Variants in SNX29 observed in about 807,000 individuals in gnomAD.
SNX29 encodes the protein sorting nexin-29.
In SNX29, 78 loss-of-function variants were observed where a neutral mutation model predicts 102.1. The ratio of observed to expected loss-of-function variants is 0.76; its 90% CI spans 0.64 to 0.92. The LOEUF is 0.92. Ranked by LOEUF, SNX29 falls within the 40% of genes least tolerant of loss-of-function variation. The pLI is 0.00. For synonymous variants in SNX29, 580 were observed against 414.5 expected (o/e 1.40, Z -4.85); for missense variants, 1,280 against 1,061.7 (o/e 1.21, Z -2.86).
intron 3 of SNX29, among the ~76,000 whole-genome samples, chr16:12,011,189 GT>G (rs369528003): frequency 0.024 from 2,931 of 124,028 alleles, 35 homozygotes; most frequent in African/African-American, 0.057. Context: ...ATTGCTTGGG[GT>G]TTTTTTTTTT....
At chr16:12,260,007 GTCTTC>G (rs1282162262) in intron 14 of SNX29, among the ~76,000 whole-genome samples, 6 of 152,168 alleles carry the variant, frequency 3.9e-5, no homozygotes, top group Non-Finnish European at 8.8e-5. Context: ...CGTTCCTCCA[GTCTTC>G]TCTTCTGTTC....
At chr16:12,302,205 C>T (rs898370276) in intron 15 of SNX29, among the ~76,000 whole-genome samples, 3 of 152,144 alleles carry the variant, frequency 2.0e-5, no homozygotes, top group Admixed American at 6.5e-5. Flanking sequence ...TCCGTCAAAG[C>T]GGCATGGAAA....
intron 13 of SNX29, among the ~76,000 whole-genome samples, chr16:12,195,839 G>C (rs949629811): frequency 6.6e-6 from 1 of 152,140 alleles, no homozygotes; most frequent in African/African-American, 2.4e-5. Context: ...GTGATGTGTT[G>C]CTGGTGGTCT....
chr16:12,514,472 T>C (rs2089773264), intron 19 of SNX29, among the ~76,000 whole-genome samples: 1 of 152,178 alleles, frequency 6.6e-6, no homozygotes, highest in South Asian at 2.1e-4. Context: ...GAATCAGGCC[T>C]CTTGGGGCCA....
intron 15 of SNX29, among the ~76,000 whole-genome samples, chr16:12,293,077 T>C (rs538399279): frequency 6.6e-5 from 10 of 152,342 alleles, no homozygotes; most frequent in African/African-American, 2.4e-4. Flanking sequence ...TGTCAAACAT[T>C]GCAGGGGCAT....
intron 15 of SNX29, among the ~76,000 whole-genome samples, chr16:12,310,197 CAG>C (rs1465644875): frequency 6.6e-6 from 1 of 152,186 alleles, no homozygotes; most frequent in Non-Finnish European, 1.5e-5. Flanking sequence ...TCTCTCATGT[CAG>C]AGATCATACA....
chr16:12,347,239 A>G (rs1410539573), intron 15 of SNX29, among the ~76,000 whole-genome samples: 1 of 151,010 alleles, frequency 6.6e-6, no homozygotes, highest in Non-Finnish European at 1.5e-5. Context: ...GTGGCACTTC[A>G]GGATGATCTG....
chr16:12,018,215 T>G (rs1475345132), intron 3 of SNX29, among the ~76,000 whole-genome samples: 1 of 152,230 alleles, frequency 6.6e-6, no homozygotes, highest in Non-Finnish European at 1.5e-5. Context: ...TTTATCTGTT[T>G]GATCTTTATG....
chr16:12,551,878 T>A (rs931072738), intron 20 of SNX29, among the ~76,000 whole-genome samples: 1 of 152,192 alleles, frequency 6.6e-6, no homozygotes, highest in Non-Finnish European at 1.5e-5. Flanking sequence ...ATTTCTAGCC[T>A]GTCTGCTCAT....
chr16:12,507,108 C>G (rs779265204), intron 19 of SNX29, among the ~76,000 whole-genome samples: 1 of 152,202 alleles, frequency 6.6e-6, no homozygotes, highest in South Asian at 2.1e-4. Context: ...TTGGGCACTG[C>G]AACTATTGTT....
chr16:12,163,199 G>A lies in SNX29; in HGVS notation c.1595+33441G>A, dbSNP rs139038233. Among the ~76,000 whole-genome samples, 421 of 152,264 alleles carry A rather than the reference G, an allele frequency of 2.8e-3. 1 individual carries two copies. The highest frequency in any genetic ancestry group is 9.8e-3 in the African/African-American group (406 of 41,564). On this transcript the variant is annotated intron_variant, in intron 13 of 20. Transcript: ENST00000566228. The stretch of plus-strand genomic sequence containing the variant: ...GTCTGGCCAGTTGTTGCTTCTGATG[G>A]TAGATAGGAATGTCCTTTGCGGAGC...
In SNX29 at chr16:12,569,922, C is replaced by G. The variant is rs1598134505; in HGVS notation, c.*1293C>G. On this transcript the variant is annotated 3_prime_UTR_variant, in exon 21 of 21. Coordinates refer to ENST00000566228, the MANE Select transcript of SNX29 (RefSeq NM_032167.5). ...ATCTGAGGCAGAGACACAGCAGAAC[C>G]TGAGGAGAAAAGCAGGTGGAAGGTG... 8.6e-6 allele frequency: 2 copies of G among 232,630 alleles called. No individual in the cohort carries two copies. Among genetic ancestry groups the G allele is most frequent in the East Asian group, 6.1e-5 (1 of 16,474 alleles). 14.4% of individuals were successfully genotyped at this position (232,630 alleles called of 1,614,324 possible). A position where few individuals can be genotyped will look rare whatever the true frequency, so the allele number is the denominator to read the frequency against.
At chr16:12,391,730 G>A (rs767773014) in intron 16 of SNX29, among the ~76,000 whole-genome samples, 1 of 152,088 alleles carries the variant, frequency 6.6e-6, no homozygotes, top group Non-Finnish European at 1.5e-5. Flanking sequence ...AAATACTTCA[G>A]TAGGCACATA....
chr16:12,082,139 G>C (rs1410550775), intron 11 of SNX29, among the ~76,000 whole-genome samples: 1 of 151,360 alleles, frequency 6.6e-6, no homozygotes, highest in African/African-American at 2.4e-5. Flanking sequence ...GGTGTAGATG[G>C]ACAAGACTTG....
chr16:12,566,698 G>C (rs538369418), intron 20 of SNX29, among the ~76,000 whole-genome samples: 4 of 12,518 alleles, frequency 3.2e-4, no homozygotes, highest in African/African-American at 1.0e-3. Context: ...TTCGTAAGTG[G>C]GGTCCCCCAT....
chr16:12,337,004 C>T (rs746311), intron 15 of SNX29, among the ~76,000 whole-genome samples: 17,041 of 152,224 alleles, frequency 0.11, 2,470 homozygotes, highest in African/African-American at 0.34. Flanking sequence ...GGCAGAGGGA[C>T]TGGGCATCAT....
chr16:11,989,088 C>T (rs1361812022), intron 1 of SNX29, among the ~76,000 whole-genome samples: 1 of 152,116 alleles, frequency 6.6e-6, no homozygotes, highest in Non-Finnish European at 1.5e-5. Context: ...ATTTTCCTGC[C>T]TCAGCCTCTC....
intron 13 of SNX29, among the ~76,000 whole-genome samples, chr16:12,178,306 G>A (rs2076306346): frequency 2.0e-5 from 3 of 152,134 alleles, no homozygotes; most frequent in African/African-American, 7.2e-5. Flanking sequence ...TGGTTATGTT[G>A]GAAGGGCGCC....
chr16:12,125,603 C>CTTTTTTTTT lies in SNX29; in HGVS notation c.1403-1029_1403-1028insTTTTTTTTT, dbSNP rs1273937330. On this transcript the variant is annotated intron_variant, in intron 11 of 20. Coordinates refer to ENST00000566228, the MANE Select transcript of SNX29 (RefSeq NM_032167.5). ...CAAGGGGGGCTTGTGGCTGAGATCT[C>CTTTTTTTTT]TCTTTTTTTTTTTTTTTTTTTTTTT... is the stretch of plus-strand genomic sequence containing the variant. Among the ~76,000 whole-genome samples, 7 of 71,496 alleles carry CTTTTTTTTT rather than the reference C, an allele frequency of 9.8e-5. 3 individuals carry two copies. The highest frequency in any genetic ancestry group is 2.1e-4 in the African/African-American group (4 of 18,864). 46.9% of individuals were successfully genotyped at this position (71,496 alleles called of 152,430 possible). A position where few individuals can be genotyped will look rare whatever the true frequency, so the allele number is the denominator to read the frequency against.
Sources: gnomAD v4.1 joint callset for allele counts (sites outside exome capture counted in the v4.1 genomes callset) on GRCh38, gnomAD v4.1.1 for gene constraint, MANE v1.5 for transcripts, NCBI Gene and HGNC (gene_info 2026-07-23, HGNC 2026-07-21) for gene names.